The following KLF9 variants were observed in gnomAD, a reference collection of about 807,000 sequenced individuals.
KLF9 encodes the protein Krueppel-like factor 9.
In KLF9, 2 loss-of-function variants were observed where a neutral mutation model predicts 17.3. The ratio of observed to expected loss-of-function variants is 0.12; its 90% CI spans 0.05 to 0.36. KLF9 has a LOEUF of 0.36. KLF9 is among the 10% of genes least tolerant of loss of function. The probability of loss-of-function intolerance (pLI) is 1.00; values close to 1 mark genes in which losing one functional copy is unlikely to be tolerated. For synonymous variants in KLF9, 138 were observed against 139.2 expected, an observed-to-expected ratio of 0.99 and a Z score of 0.06; for missense variants, 226 against 333.2, an observed-to-expected ratio of 0.68 and a Z score of 2.51.
Position 70,409,051 on chromosome 9 carries a change from C to CATATATGTATATAT in KLF9, c.505+3807_505+3808insATATATACATATAT, listed in dbSNP as rs2037280547. Reference sequence around the variant, plus strand: ...ATATATATATGTGTATATATATATACATATATGTGTATATATATGTGTATA... The same window carrying CATATATGTATATAT: ...ATATATATATGTGTATATATATATACATATATGTATATATATATATGTGTATATATATGTGTATA... On this transcript the variant is annotated intron_variant, in intron 1 of 1. Coordinates refer to ENST00000377126, the MANE Select transcript of KLF9 (RefSeq NM_001206.4). Among the ~76,000 whole-genome samples, 4 of 104,324 alleles carry CATATATGTATATAT rather than the reference C, an allele frequency of 3.8e-5. 1 individual carries two copies. Among genetic ancestry groups the CATATATGTATATAT allele is most frequent in the African/African-American group, 1.4e-4 (4 of 29,144 alleles). 68.4% of individuals were successfully genotyped at this position (104,324 alleles called of 152,430 possible).
chr9:70,402,098 G>C (rs1297494867), intron 1 of KLF9, among the ~76,000 whole-genome samples: 2 of 152,096 alleles, frequency 1.3e-5, no homozygotes, highest in African/African-American at 2.4e-5. Flanking sequence ...AGAGAAAATA[G>C]CCTATGTTTT....
At chr9:70,389,955 C>T (rs1197989132) in intron 1 of KLF9, among the ~76,000 whole-genome samples, 1 of 152,210 alleles carries the variant, frequency 6.6e-6, no homozygotes. Flanking sequence ...CCGGCCTTCC[C>T]AGAACCCATA....
chr9:70,385,444 A>G lies in KLF9; in HGVS notation c.*2332T>C, dbSNP rs915828741. The stretch of plus-strand genomic sequence containing the variant: ...AACTTTTTTGGGAAGTAAATTGTGC[A>G]TTTTTTTAAAACAAGTTGCTGCATT... On this transcript the variant is annotated 3_prime_UTR_variant, in exon 2 of 2. Coordinates refer to ENST00000377126, the MANE Select transcript of KLF9 (RefSeq NM_001206.4). 6.6e-6 allele frequency: 1 copy of G among 152,604 alleles called. No homozygotes were observed. The highest frequency in any genetic ancestry group is 2.4e-5 in the African/African-American group (1 of 41,444). 9.5% of individuals were successfully genotyped at this position (152,604 alleles called of 1,614,324 possible). A position where few individuals can be genotyped will look rare whatever the true frequency, so the allele number is the denominator to read the frequency against.
chr9:70,389,402 A>C (rs1231965465), intron 1 of KLF9, among the ~76,000 whole-genome samples: 1 of 152,186 alleles, frequency 6.6e-6, no homozygotes, highest in African/African-American at 2.4e-5. Context: ...TTGGAGGGTT[A>C]AACTCTGTAC....
chr9:70,396,976 C>T (rs943128334), intron 1 of KLF9, among the ~76,000 whole-genome samples: 1 of 152,000 alleles, frequency 6.6e-6, no homozygotes, highest in Non-Finnish European at 1.5e-5. Flanking sequence ...GCCCAGAGTT[C>T]AAGACCAGCA....
At chr9:70,412,768 G>T in intron 1 of KLF9, 91 bp downstream of exon 1, 1 of 1,225,588 alleles carries the variant, frequency 8.2e-7, no homozygotes, top group Non-Finnish European at 1.1e-6. Flanking sequence ...CACCCTTTCG[G>T]CCGAGTGCAG....
At chr9:70,412,030 T>C (rs1032758254) in intron 1 of KLF9, among the ~76,000 whole-genome samples, 2 of 151,866 alleles carry the variant, frequency 1.3e-5, no homozygotes, top group African/African-American at 4.8e-5. Context: ...CACATTCATT[T>C]GTACGGCCAT....
Position 70,414,472 on chromosome 9 carries a change from C to G in KLF9, c.-1109G>C, listed in dbSNP as rs2037365303. 1 of 152,164 alleles carries G rather than the reference C, an allele frequency of 6.6e-6. No individual in the cohort carries two copies. The highest frequency in any genetic ancestry group is 1.5e-5 in the Non-Finnish European group (1 of 68,038). The allele number at this position is 152,164 out of a possible 1,614,324, so 9.4% of individuals were successfully genotyped here. The stretch of plus-strand genomic sequence containing the variant: ...ATCACAAGGGCGTTCCGAAAGCAAG[C>G]GCTCGACACTTGTAAACGCGAAGAG... On this transcript the variant is annotated 5_prime_UTR_variant, in exon 1 of 2. Coordinates refer to ENST00000377126, the MANE Select transcript of KLF9 (RefSeq NM_001206.4).
intron 1 of KLF9, among the ~76,000 whole-genome samples, chr9:70,394,436 T>C (rs73649111): frequency 2.6e-5 from 4 of 152,012 alleles, no homozygotes; most frequent in African/African-American, 9.7e-5. Flanking sequence ...TCCTCAGCAG[T>C]ATAAAAGATC....
At position 70,413,552 on chromosome 9, in the gene KLF9, A is replaced by T; in HGVS notation, c.-189T>A. ...GAGGCGACCTCAGCCCCTCATCTTT[A>T]CGTAACCGGCAGCGCCTCCGCACGC... On this transcript the variant is annotated 5_prime_UTR_variant, in exon 1 of 2. The change abolishes the stop of an existing upstream ORF in the 5' untranslated region. Coordinates refer to ENST00000377126, the MANE Select transcript of KLF9 (RefSeq NM_001206.4). The surrounding 1 kb of genome is among the most constrained non-coding windows in gnomAD (Gnocchi z 5.6). 1 of 390,902 alleles carries T rather than the reference A, an allele frequency of 2.6e-6. No homozygotes were observed. The highest frequency in any genetic ancestry group is 3.9e-6 in the Non-Finnish European group (1 of 257,924). The allele number at this position is 390,902 out of a possible 1,614,324, so 24.2% of individuals were successfully genotyped here.
chr9:70,413,283 A>G lies in KLF9; in HGVS notation c.81T>C (p.His27=). 1 of 1,612,532 alleles carries G rather than the reference A, an allele frequency of 6.2e-7. No homozygotes were observed. Residue 27 remains histidine (H), a synonymous_variant, in exon 1 of 2, where the codon CAT becomes CAC. Transcript: ENST00000377126. This position sits in a 1 kb window ranked among gnomAD's most constrained non-coding sequence, Gnocchi z 5.6. ...GCCGCTCGGCGTCCGGAGCGACCCC[A>G]TGCTCCGGCACCGCAGCGCGGTTCG... is the stretch of plus-strand genomic sequence containing the variant. ...SISNRAAVPE[H]GVAPDAERLR... is the part of the protein sequence containing the mutation.
intron 1 of KLF9, among the ~76,000 whole-genome samples, chr9:70,412,134 C>A (rs1363112594): frequency 1.4e-5 from 2 of 147,792 alleles, no homozygotes; most frequent in African/African-American, 2.5e-5. Context: ...AGGACCACAC[C>A]TCCCTGCAAA....
Position 70,387,367 on chromosome 9 carries a change from G to A in KLF9, c.*409C>T, listed in dbSNP as rs1277967995. 2 of 205,700 alleles carry A rather than the reference G, an allele frequency of 9.7e-6. No homozygotes were observed. The highest frequency in any genetic ancestry group is 2.2e-4 in the East Asian group (2 of 9,228). The allele number at this position is 205,700 out of a possible 1,614,324, so 12.7% of individuals were successfully genotyped here. A position where few individuals can be genotyped will look rare whatever the true frequency, so the allele number is the denominator to read the frequency against. ...AGGCCACAGGTCAACTCACCCAGCGGACATATGTACACCAGTGTTGAATCT... is the reference window on the plus strand; with the variant it reads ...AGGCCACAGGTCAACTCACCCAGCGAACATATGTACACCAGTGTTGAATCT... On this transcript the variant is annotated 3_prime_UTR_variant, in exon 2 of 2. Coordinates refer to ENST00000377126, the MANE Select transcript of KLF9 (RefSeq NM_001206.4).
intron 1 of KLF9, among the ~76,000 whole-genome samples, chr9:70,401,063 G>A (rs1189286252): frequency 6.6e-6 from 1 of 151,276 alleles, no homozygotes; most frequent in African/African-American, 2.4e-5. Context: ...CTGGGTGTTA[G>A]TGACTCATTC....
rs1264970827 is a variant in KLF9 at position 70,414,148 on chromosome 9, T to A, written c.-785A>T. On this transcript the variant is annotated 5_prime_UTR_variant, in exon 1 of 2. Transcript: ENST00000377126. ...GCTGCCTCGTGCTACCCCTACAGCC[T>A]CGAACACTGACATTTAAAAGGGTAA... The A allele has an allele frequency of 6.6e-5, 10 of 152,216 alleles. No homozygotes were observed. The highest frequency in any genetic ancestry group is 6.5e-4 in the Admixed American group (10 of 15,284). The allele number at this position is 152,216 out of a possible 1,614,324, so 9.4% of individuals were successfully genotyped here. A position where few individuals can be genotyped will look rare whatever the true frequency, so the allele number is the denominator to read the frequency against.
intron 1 of KLF9, among the ~76,000 whole-genome samples, chr9:70,406,270 G>A (rs1258741941): frequency 6.6e-6 from 1 of 152,206 alleles, no homozygotes; most frequent in Non-Finnish European, 1.5e-5. Flanking sequence ...ATGAGCTGGT[G>A]AGGCTCTGGG....
intron 1 of KLF9, among the ~76,000 whole-genome samples, chr9:70,394,174 A>T (rs1392970872): frequency 6.6e-6 from 1 of 152,096 alleles, no homozygotes; most frequent in Non-Finnish European, 1.5e-5. Flanking sequence ...GCTTGAGCCC[A>T]GGAGATCAAA....
At position 70,414,115 on chromosome 9, in the gene KLF9, TC is replaced by T. The variant is rs2037356481; in HGVS notation, c.-753del. ...TGAGGCGTGCGGCCAATCCGACTGT[TC>T]CGTTTCGCTGCCTCGTGCTACCCCT... On this transcript the variant is annotated 5_prime_UTR_variant, in exon 1 of 2. The change creates a premature stop within an existing upstream ORF in the 5' untranslated region. Transcript: ENST00000377126. 6.6e-6 allele frequency: 1 copy of T among 152,278 alleles called. No individual in the cohort carries two copies. Among genetic ancestry groups the T allele is most frequent in the African/African-American group, 2.4e-5 (1 of 41,440 alleles). The allele number at this position is 152,278 out of a possible 1,614,324, so 9.4% of individuals were successfully genotyped here.
At position 70,387,937 on chromosome 9, in the gene KLF9, G is replaced by A; in HGVS notation, c.574C>T (p.Arg192Cys). Reference protein sequence around the residue: ...KKFSRSDELTRHYRTHTGEKQ... With the variant: ...KKFSRSDELTCHYRTHTGEKQ... ...TCCCCAGTGTGGGTCCGGTAGTGGC[G>A]GGTCAGCTCGTCTGAGCGGGAGAAC... The change falls in exon 2 of 2, where the codon CGC becomes TGC. Residue 192 changes from arginine (R) to cysteine (C), a missense_variant. By Grantham distance (180) the Arg-to-Cys change is radical. Transcript: ENST00000377126. 6.2e-7 allele frequency: 1 copy of A among 1,613,946 alleles called. No individual in the cohort carries two copies. The highest frequency in any genetic ancestry group is 8.5e-7 in the Non-Finnish European group (1 of 1,179,994).
Sources: gnomAD v4.1 joint callset for allele counts (sites outside exome capture counted in the v4.1 genomes callset) on GRCh38, gnomAD v4.1.1 for gene constraint, Gnocchi (gnomAD v3.1) non-coding constraint, MANE v1.5 for transcripts, NCBI Gene and HGNC (gene_info 2026-07-23, HGNC 2026-07-21) for gene names.